ZNF43: variants seen among roughly 807,000 people sequenced by gnomAD.
ZNF43 encodes the protein zinc finger protein 39-like 1 (KOX 27).
Under a neutral mutation model 68.4 loss-of-function variants are expected in ZNF43, and 44 were observed. That is an observed-to-expected ratio of 0.64 (90% CI 0.51 to 0.83). The LOEUF (loss-of-function observed/expected upper bound fraction) is 0.83, where lower values mean the gene tolerates loss of function less well. ZNF43 is among the 40% of genes least tolerant of loss of function. ZNF43 has a pLI of 0.00. For synonymous variants in ZNF43, 308 were observed against 307.8 expected, an observed-to-expected ratio of 1.00 and a Z score of -0.01; for missense variants, 896 against 933.2, an observed-to-expected ratio of 0.96 and a Z score of 0.52.
At position 21,836,020 on chromosome 19, in the gene ZNF43, G is replaced by T. The variant is rs1177832751; in HGVS notation, c.3+16C>A. 1.2e-6 allele frequency: 2 copies of T among 1,613,934 alleles called. No individual in the cohort carries two copies. Among genetic ancestry groups the T allele is most frequent in the East Asian group, 2.2e-5 (1 of 44,870 alleles). Reference sequence around the variant, plus strand: ...AGCCCCTTCCCCCTCTCGGGATGTCGGACCGGCACTCTCACCATTTCTAGG... The same window carrying T: ...AGCCCCTTCCCCCTCTCGGGATGTCTGACCGGCACTCTCACCATTTCTAGG... On this transcript the variant is annotated intron_variant, in intron 1 of 3. Transcript: ENST00000354959.
chr19:21,844,924 ATATAT>A (rs1967838771), intron 1 of ZNF43, among the ~76,000 whole-genome samples: 2 of 115,002 alleles, frequency 1.7e-5, no homozygotes, highest in African/African-American at 7.7e-5. Context: ...AAAAAAAAAT[ATATAT>A]ATATATATAT....
At chr19:21,835,203 A>G (rs1156558990) in intron 1 of ZNF43, among the ~76,000 whole-genome samples, 1 of 142,390 alleles carries the variant, frequency 7.0e-6, no homozygotes, top group Non-Finnish European at 1.5e-5. Context: ...GAGCCGAGAT[A>G]GCACCATTGC....
rs551226809 is a variant in ZNF43 at position 21,829,032 on chromosome 19, C to CAAAAAAAAAAAAAAAA, written c.3+6988_3+7003dup. Among the ~76,000 whole-genome samples, 13 of 38,812 alleles carry CAAAAAAAAAAAAAAAA rather than the reference C, an allele frequency of 3.3e-4. 1 individual carries two copies. Among genetic ancestry groups the CAAAAAAAAAAAAAAAA allele is most frequent in the African/African-American group, 7.1e-4 (8 of 11,336 alleles). 25.5% of individuals were successfully genotyped at this position (38,812 alleles called of 152,430 possible). A position where few individuals can be genotyped will look rare whatever the true frequency, so the allele number is the denominator to read the frequency against. ...TGGGCGAAAGAGAGAGACTCTGTCT[C>CAAAAAAAAAAAAAAAA]AAAAAAAAAAAAAAAAAAAAAAAAA... On this transcript the variant is annotated intron_variant, in intron 1 of 3. Coordinates refer to ENST00000354959, the MANE Select transcript of ZNF43 (RefSeq NM_003423.4).
rs1166809971 is a variant in ZNF43, at chr19:21,814,570, C to T, written c.229+3318G>A. On this transcript the variant is annotated intron_variant, in intron 3 of 3. Coordinates refer to ENST00000354959, the MANE Select transcript of ZNF43 (RefSeq NM_003423.4). Reference sequence around the variant, plus strand: ...GACTACAGGTGCGTACCACTATGCCCGGCTAATTTTTTGTATTTTTAGTAG... The same window carrying T: ...GACTACAGGTGCGTACCACTATGCCTGGCTAATTTTTTGTATTTTTAGTAG... Among the ~76,000 whole-genome samples, 6 of 151,958 alleles carry T rather than the reference C, an allele frequency of 3.9e-5. No individual in the cohort carries two copies. In the South Asian group the frequency reaches 6.2e-4, roughly 16 times the overall value.
chr19:21,842,809 G>A (rs1967635745), intron 1 of ZNF43, among the ~76,000 whole-genome samples: 2 of 152,184 alleles, frequency 1.3e-5, no homozygotes, highest in Non-Finnish European at 2.9e-5. Flanking sequence ...CCAGGCAAAT[G>A]TCATAATGTC....
chr19:21,846,319 CAG>C (rs1428531677), intron 1 of ZNF43, among the ~76,000 whole-genome samples: 1 of 152,016 alleles, frequency 6.6e-6, no homozygotes, highest in Non-Finnish European at 1.5e-5. Context: ...GTGATTGGCC[CAG>C]AGTTATGTCA....
intron 1 of ZNF43, 22 bp downstream of exon 1, chr19:21,836,014 G>A (rs1275024122): frequency 2.9e-5 from 46 of 1,613,954 alleles, no homozygotes; most frequent in Non-Finnish European, 3.9e-5. Context: ...CCCCTCTCGG[G>A]ATGTCGGACC....
chr19:21,825,081 A>G (rs1433156542), intron 1 of ZNF43, among the ~76,000 whole-genome samples: 3 of 152,138 alleles, frequency 2.0e-5, no homozygotes, highest in African/African-American at 7.2e-5. Context: ...ACTAATACAA[A>G]AAATTAGCCG....
intron 3 of ZNF43, among the ~76,000 whole-genome samples, chr19:21,816,060 CA>C (rs60910156): frequency 1.4e-3 from 149 of 107,822 alleles, no homozygotes; most frequent in East Asian, 5.2e-3. Context: ...GACTCTGACG[CA>C]AAAAAAAAAA....
chr19:21,837,155 A>G (rs1967162406), upstream of ZNF43, among the ~76,000 whole-genome samples: 1 of 152,162 alleles, frequency 6.6e-6, no homozygotes, highest in African/African-American at 2.4e-5. Flanking sequence ...GGTTTTAGAA[A>G]CTGATGTAAA....
chr19:21,832,432 T>C (rs909181725), intron 1 of ZNF43, among the ~76,000 whole-genome samples: 76 of 152,094 alleles, frequency 5.0e-4, no homozygotes, highest in African/African-American at 1.8e-3. Flanking sequence ...TAAAAAAACT[T>C]TGGAAGGTAC....
At chr19:21,834,058 G>GTGCCTGGGGAAAAAAAAGAGTCCTT (rs2038560922) in intron 1 of ZNF43, among the ~76,000 whole-genome samples, 2 of 151,772 alleles carry the variant, frequency 1.3e-5, no homozygotes, top group African/African-American at 2.4e-5. Flanking sequence ...AAAGAGTCCT[G>GTGCCTGGGGAAAAAAAAGAGTCCTT]TGCCTAGGGA....
At chr19:21,835,884 T>C in intron 1 of ZNF43, 152 bp downstream of exon 1, 9 of 1,366,298 alleles carry the variant, frequency 6.6e-6, no homozygotes, top group Non-Finnish European at 9.2e-6. Flanking sequence ...CGGGGCTGCC[T>C]CCCAGAGCAG....
At chr19:21,826,287 AT>A (rs1239566865) in intron 1 of ZNF43, among the ~76,000 whole-genome samples, 1 of 151,838 alleles carries the variant, frequency 6.6e-6, no homozygotes, top group Admixed American at 6.5e-5. Flanking sequence ...TTGGCACCTT[AT>A]GTGTTTATAT....
rs370146662 is a variant in ZNF43 at position 21,851,576 on chromosome 19, A to G, written c.30+329T>C. ...AAAAAAAAAAAAATTAACAACAGAA[A>G]CTGAAGACCCCAGGGCCGCAGCTCC... On this transcript the variant is annotated intron_variant, in intron 1 of 3. Coordinates refer to the ZNF43 transcript ENST00000357491. Among the ~76,000 whole-genome samples the G allele has an allele frequency of 2.0e-5, 3 of 151,002 alleles. No homozygotes were observed. The East Asian group carries it at 5.8e-4, about 29-fold the overall frequency.
chr19:21,821,958 T>G lies in ZNF43; in HGVS notation c.4-2737A>C, dbSNP rs190472925. Among the ~76,000 whole-genome samples the G allele has an allele frequency of 1.9e-4, 29 of 152,268 alleles. No individual in the cohort carries two copies. The East Asian group carries it at 4.3e-3, about 22-fold the overall frequency. Reference sequence around the variant, plus strand: ...TCTGTCTCTGGGAATCCTTTCCAGATGAGATTCTCTGGACAAATTACACCT... The same window carrying G: ...TCTGTCTCTGGGAATCCTTTCCAGAGGAGATTCTCTGGACAAATTACACCT... On this transcript the variant is annotated intron_variant, in intron 1 of 3. Coordinates refer to ENST00000354959, the MANE Select transcript of ZNF43 (RefSeq NM_003423.4).
intron 1 of ZNF43, among the ~76,000 whole-genome samples, chr19:21,820,592 AG>A (rs2037775392): frequency 2.0e-5 from 3 of 151,640 alleles, no homozygotes; most frequent in African/African-American, 7.3e-5. Context: ...AAAAAAAGAA[AG>A]AAAAAAGGAA....
rs1404152180 is a variant in ZNF43, at chr19:21,805,931, T to C, written c.*1676A>G. 6.6e-6 allele frequency: 1 copy of C among 150,654 alleles called. No homozygotes were observed. Among genetic ancestry groups the C allele is most frequent in the Non-Finnish European group, 1.5e-5 (1 of 68,012 alleles). 9.3% of individuals were successfully genotyped at this position (150,654 alleles called of 1,614,324 possible). Reference sequence around the variant, plus strand: ...TAATGCTTCATTGAATGTACAATGGTCTTAACACATTTTTTTAAAAGTTAT... The same window carrying C: ...TAATGCTTCATTGAATGTACAATGGCCTTAACACATTTTTTTAAAAGTTAT... On this transcript the variant is annotated 3_prime_UTR_variant, in exon 4 of 4. Transcript: ENST00000354959.
At chr19:21,817,523 G>A (rs564297522) in intron 3 of ZNF43, among the ~76,000 whole-genome samples, 1 of 152,272 alleles carries the variant, frequency 6.6e-6, no homozygotes, top group East Asian at 1.9e-4. Context: ...CAGACATGAT[G>A]TAAAGAAAGA....
Sources: gnomAD v4.1 joint callset for allele counts (sites outside exome capture counted in the v4.1 genomes callset) on GRCh38, gnomAD v4.1.1 for gene constraint, MANE v1.5 for transcripts, NCBI Gene and HGNC (gene_info 2026-07-23, HGNC 2026-07-21) for gene names.